LAMC3: variants seen among roughly 807,000 people sequenced by gnomAD.
LAMC3 encodes the protein laminin subunit gamma 3.
LAMC3 carries 128 observed loss-of-function variants against 173.8 expected under a neutral mutation model. That is an observed-to-expected ratio of 0.74 (90% confidence interval 0.64 to 0.85). The LOEUF (loss-of-function observed/expected upper bound fraction) is 0.85. LAMC3 is among the 40% of genes least tolerant of loss of function. The probability of loss-of-function intolerance (pLI) is 0.00; values close to 1 mark genes in which losing one functional copy is unlikely to be tolerated. For synonymous variants in LAMC3, 897 were observed against 909.1 expected, an observed-to-expected ratio of 0.99 and a Z score of 0.24; for missense variants, 2,022 against 2,156.0, an observed-to-expected ratio of 0.94 and a Z score of 1.23.
intron 1 of LAMC3, among the ~76,000 whole-genome samples, chr9:131,017,871 C>G (rs1158765274): frequency 6.6e-6 from 1 of 150,608 alleles, no homozygotes; most frequent in Non-Finnish European, 1.5e-5. Context: ...ACTAAAAATA[C>G]AAAAATTAGC....
At chr9:131,024,150 C>CTTTTTT (rs34368388) in intron 1 of LAMC3, among the ~76,000 whole-genome samples, 1 of 131,510 alleles carries the variant, frequency 7.6e-6, no homozygotes, top group African/African-American at 2.9e-5. Flanking sequence ...GAAGTTTTAG[C>CTTTTTT]TTTTTTTTTT....
rs1450738333 is a variant in LAMC3, at chr9:131,083,356, G to T, written c.4030+1195G>T. Among the ~76,000 whole-genome samples the T allele has an allele frequency of 2.0e-5, 3 of 152,104 alleles. No homozygotes were observed. In the East Asian group the frequency reaches 5.8e-4, roughly 29 times the overall value. On this transcript the variant is annotated intron_variant, in intron 24 of 27. Coordinates refer to ENST00000361069, the MANE Select transcript of LAMC3 (RefSeq NM_006059.4). Reference sequence around the variant, plus strand: ...GCTAACCTCAAACCTCTAACCCCAGGCTCTTTTCCCCATTCTGATCCCATT... The same window carrying T: ...GCTAACCTCAAACCTCTAACCCCAGTCTCTTTTCCCCATTCTGATCCCATT...
chr9:131,071,051 T>C (rs1242474309), intron 17 of LAMC3, among the ~76,000 whole-genome samples: 3 of 152,124 alleles, frequency 2.0e-5, no homozygotes, highest in Non-Finnish European at 4.4e-5. Flanking sequence ...GACTGGCTCC[T>C]AGGAAGTGTT....
At chr9:131,072,480 TG>T in intron 18 of LAMC3, 149 bp from the exon 19 acceptor site, 2 of 701,248 alleles carry the variant, frequency 2.9e-6, no homozygotes, top group Non-Finnish European at 5.0e-6. Flanking sequence ...ACCTGGAAAA[TG>T]GGGGTACTCT....
intron 1 of LAMC3, among the ~76,000 whole-genome samples, chr9:131,014,026 C>G (rs1833473641): frequency 1.3e-5 from 2 of 152,350 alleles, no homozygotes; most frequent in South Asian, 2.1e-4. Flanking sequence ...GAGGTCAAGG[C>G]AGCGGCTGGT....
intron 9 of LAMC3, 70 bp downstream of exon 9, chr9:131,049,200 A>G (rs1834236603): frequency 4.5e-6 from 4 of 883,186 alleles, no homozygotes; most frequent in Non-Finnish European, 7.5e-6. Context: ...AACTTGCCGC[A>G]TATTAGAGGC....
chr9:131,052,922 G>T lies in LAMC3; in HGVS notation c.1896G>T (p.Leu632=). Residue 632 remains leucine, a synonymous_variant, in exon 11 of 28, where the codon CTG becomes CTT. Transcript: ENST00000361069. ...PFHFQRLLAN[L]TSLRLRVSPG... ...ACTTCCAGCGGCTCCTCGCCAACCT[G>T]ACCAGCCTCCGCCTCCGCGTCAGTC... The T allele has an allele frequency of 6.2e-7, 1 of 1,613,776 alleles. No individual in the cohort carries two copies.
chr9:131,031,610 G>A (rs1371705226), intron 2 of LAMC3, among the ~76,000 whole-genome samples: 1 of 152,206 alleles, frequency 6.6e-6, no homozygotes, highest in Non-Finnish European at 1.5e-5. Context: ...GGAATGAGGT[G>A]CAGGAGCTGC....
rs778678266 is a variant in LAMC3, at chr9:131,026,963, C to T, written c.678+374C>T. ...CTGACATTAAGCGATCCACCTGCCT[C>T]GGCCTCCCAAAGTGCTGGGATTACA... is the stretch of plus-strand genomic sequence containing the variant. On this transcript the variant is annotated intron_variant, in intron 2 of 27. Coordinates refer to ENST00000361069, the MANE Select transcript of LAMC3 (RefSeq NM_006059.4). This position sits in a 1 kb window ranked among gnomAD's most constrained non-coding sequence, Gnocchi z 4.8. 5.8e-4 allele frequency among the ~76,000 whole-genome samples: 89 copies of T among 152,302 alleles called. No individual in the cohort carries two copies. Among genetic ancestry groups the T allele is most frequent in the Non-Finnish European group, 1.1e-3 (77 of 68,006 alleles).
chr9:131,068,621 G>C (rs929330302), intron 15 of LAMC3, among the ~76,000 whole-genome samples: 6 of 152,160 alleles, frequency 3.9e-5, no homozygotes, highest in African/African-American at 1.4e-4. Context: ...GGACTTCTCA[G>C]AGCTCTTACT....
chr9:131,038,717 G>C, intron 4 of LAMC3, 147 bp from the exon 5 acceptor site: 1 of 848,442 alleles, frequency 1.2e-6, no homozygotes, highest in South Asian at 1.3e-5. Flanking sequence ...CCTTGATCAA[G>C]CTGGGCCTGA....
rs1183419883 is a variant in LAMC3, at chr9:131,038,989, C to G, written c.1102C>G (p.Gln368Glu). 6.2e-7 allele frequency: 1 copy of G among 1,613,718 alleles called. No homozygotes were observed. The highest frequency in any genetic ancestry group is 8.5e-7 in the Non-Finnish European group (1 of 1,180,030). Residue 368 changes from glutamine to glutamate, a missense_variant, in exon 5 of 28, where the codon CAG becomes GAG. Coordinates refer to ENST00000361069, the MANE Select transcript of LAMC3 (RefSeq NM_006059.4). ...AGCTGGGCCACACTGTGAGCGCTGT[C>G]AGGAGAATTTCTATCACTGGGACCC... ...HTAGPHCERC[Q>E]ENFYHWDPRM... is the part of the protein sequence containing the mutation.
rs530094617 is a variant in LAMC3, at chr9:131,071,326, G to A, written c.3070-158G>A. On this transcript the variant is annotated intron_variant, in intron 17 of 27. Transcript: ENST00000361069. ...AGCTACCATGGGGTGGGCAGGATTG[G>A]CTCTCAGAGGTGTGGCATACCCTTA... is the stretch of plus-strand genomic sequence containing the variant. Among the ~76,000 whole-genome samples the A allele has an allele frequency of 8.5e-5, 13 of 152,292 alleles. No homozygotes were observed. The East Asian group carries it at 1.9e-3, about 23-fold the overall frequency.
At chr9:131,027,284 C>T (rs1833738278) in intron 2 of LAMC3, among the ~76,000 whole-genome samples, 1 of 152,226 alleles carries the variant, frequency 6.6e-6, no homozygotes, top group Non-Finnish European at 1.5e-5. Flanking sequence ...GGGCCCAGGC[C>T]AGCACCTGAG....
At chr9:131,010,152 CAAAAAAAAAAAA>C (rs35239233) in intron 1 of LAMC3, among the ~76,000 whole-genome samples, 4 of 39,580 alleles carry the variant, frequency 1.0e-4, no homozygotes, top group South Asian at 1.2e-3. Context: ...AACTCCGTCT[CAAAAAAAAAAAA>C]AAAAAAAAAA....
rs138341565 is a variant in LAMC3 at position 131,087,351 on chromosome 9, A to G, written c.4231-125A>G. On this transcript the variant is annotated intron_variant, in intron 25 of 27. Transcript: ENST00000361069. ...CATTCAGTACATATTTGTTGCGTGC[A>G]TGAATGAATGAATGATCTGCCTGGT... 1.3e-4 allele frequency: 156 copies of G among 1,190,648 alleles called. No individual in the cohort carries two copies. In the African/African-American group the frequency reaches 1.8e-3, roughly 13 times the overall value. 73.8% of individuals were successfully genotyped at this position (1,190,648 alleles called of 1,614,324 possible).
chr9:131,085,825 C>G, intron 25 of LAMC3, 102 bp downstream of exon 25: 1 of 1,117,536 alleles, frequency 8.9e-7, no homozygotes, highest in South Asian at 1.3e-5. Flanking sequence ...TCCGCACTCA[C>G]TCACTGCTCA....
chr9:131,053,798 A>T (rs10793986), intron 11 of LAMC3, among the ~76,000 whole-genome samples: 2 of 151,404 alleles, frequency 1.3e-5, no homozygotes, highest in African/African-American at 4.9e-5. Context: ...GCGCCACTGC[A>T]CTCCAGACTG....
chr9:131,041,000 G>T (rs11244254), intron 6 of LAMC3, among the ~76,000 whole-genome samples: 63,284 of 151,870 alleles, frequency 0.42, 13,380 homozygotes, highest in Non-Finnish European at 0.47. Context: ...TGAATGAATG[G>T]GTGGATAGGT....
Sources: allele counts gnomAD v4.1 joint callset (sites outside exome capture counted in the v4.1 genomes callset), GRCh38; gene constraint gnomAD v4.1.1; non-coding constraint Gnocchi (gnomAD v3.1); transcripts MANE v1.5; gene names NCBI Gene and HGNC (gene_info 2026-07-23, HGNC 2026-07-21).